The following ATP11B variants were observed in gnomAD, a reference collection of about 807,000 sequenced individuals.
The protein encoded by ATP11B is ATPase phospholipid transporting 11B (putative), also known as phospholipid-transporting ATPase IF.
Under a neutral mutation model 157.8 loss-of-function variants are expected in ATP11B, and 81 were observed. The ratio of observed to expected loss-of-function variants is 0.51; its 90% confidence interval spans 0.43 to 0.62. The LOEUF (loss-of-function observed/expected upper bound fraction) is 0.62. Among genes scored for constraint, ATP11B ranks in the 20% least tolerant of loss-of-function variants. The pLI is 0.00. For missense variants in ATP11B, 1,165 were observed against 1,402.2 expected, an observed-to-expected ratio of 0.83 and a Z score of 2.70; for synonymous variants, 451 against 469.4, an observed-to-expected ratio of 0.96 and a Z score of 0.51.
In ATP11B at chr3:182,918,534, G is replaced by T. The variant is rs780720983; in HGVS notation, c.*430G>T. ...AAATTATGCTGAAAGTTTGCCTTGA[G>T]AACTCTATTTTTTTATTAGAGTTAT... On this transcript the variant is annotated 3_prime_UTR_variant, in exon 30 of 30. Transcript: ENST00000323116. The T allele has an allele frequency of 3.0e-5, 12 of 395,144 alleles. No homozygotes were observed. The highest frequency in any genetic ancestry group is 4.9e-5 in the Non-Finnish European group (11 of 223,920). 24.5% of individuals were successfully genotyped at this position (395,144 alleles called of 1,614,324 possible). A position where few individuals can be genotyped will look rare whatever the true frequency, so the allele number is the denominator to read the frequency against.
chr3:182,860,762 T>G (rs932756719), intron 12 of ATP11B, among the ~76,000 whole-genome samples: 1 of 152,204 alleles, frequency 6.6e-6, no homozygotes, highest in African/African-American at 2.4e-5. Context: ...TTATTTCTGC[T>G]ATAATATTTT....
intron 1 of ATP11B, among the ~76,000 whole-genome samples, chr3:182,800,284 T>A (rs1715909314): frequency 6.6e-6 from 1 of 151,854 alleles, no homozygotes; most frequent in Admixed American, 6.6e-5. Context: ...TGCAGTGATG[T>A]GATCACAGCT....
intron 12 of ATP11B, among the ~76,000 whole-genome samples, chr3:182,864,994 C>T (rs1721120651): frequency 6.6e-6 from 1 of 152,130 alleles, no homozygotes; most frequent in South Asian, 2.1e-4. Flanking sequence ...ATTCGCACCT[C>T]TAACTTCTTG....
chr3:182,851,611 G>T (rs9881187), intron 10 of ATP11B, among the ~76,000 whole-genome samples: 5,297 of 152,240 alleles, frequency 0.035, 313 homozygotes, highest in African/African-American at 0.12. Flanking sequence ...ATAAGGTAAA[G>T]ATGCATATTC....
At chr3:182,890,537 A>G (rs964689352) in intron 25 of ATP11B, among the ~76,000 whole-genome samples, 2 of 152,136 alleles carry the variant, frequency 1.3e-5, no homozygotes, top group Admixed American at 6.5e-5. Flanking sequence ...TAATAAAGGA[A>G]ATGGGTTTCA....
Position 182,799,059 on chromosome 3 carries a change from A to G in ATP11B, c.27+5273A>G, listed in dbSNP as rs139677909. Among the ~76,000 whole-genome samples the G allele has an allele frequency of 7.2e-5, 11 of 152,360 alleles. No homozygotes were observed. The East Asian group carries it at 9.6e-4, about 13-fold the overall frequency. The stretch of plus-strand genomic sequence containing the variant: ...GAAAGTTTTTGATTCTAAGGACTTT[A>G]TGACTTTACCCAGGCTTTTTTTCTG... On this transcript the variant is annotated intron_variant, in intron 1 of 29. Coordinates refer to ENST00000323116, the MANE Select transcript of ATP11B (RefSeq NM_014616.3).
chr3:182,900,959 A>C (rs1407139608), intron 28 of ATP11B, among the ~76,000 whole-genome samples: 1 of 152,030 alleles, frequency 6.6e-6, no homozygotes, highest in Admixed American at 6.6e-5. Context: ...AGGCAGGTGG[A>C]TCACGAGGTC....
intron 4 of ATP11B, chr3:182,830,115 A>C (rs1164095458): frequency 3.7e-6 from 1 of 270,942 alleles, no homozygotes; most frequent in Non-Finnish European, 5.7e-6. Flanking sequence ...ATATGTTTAT[A>C]GAGAGCAGGG....
In ATP11B at chr3:182,919,487, GTTGTC is replaced by G. The variant is rs1227525581; in HGVS notation, c.*1386_*1390del. On this transcript the variant is annotated 3_prime_UTR_variant, in exon 30 of 30. Coordinates refer to ENST00000323116, the MANE Select transcript of ATP11B (RefSeq NM_014616.3). Reference sequence around the variant, plus strand: ...TGTTTTTGTTTTATTGAAAAGTAATGTTGTCTTAAGATTTAGAAGTGATTATTAGC... The same window carrying G: ...TGTTTTTGTTTTATTGAAAAGTAATGTTAAGATTTAGAAGTGATTATTAGC... The G allele has an allele frequency of 6.6e-6, 1 of 152,592 alleles. No homozygotes were observed. The highest frequency in any genetic ancestry group is 1.5e-5 in the Non-Finnish European group (1 of 68,020). The allele number at this position is 152,592 out of a possible 1,614,324, so 9.5% of individuals were successfully genotyped here. A position where few individuals can be genotyped will look rare whatever the true frequency, so the allele number is the denominator to read the frequency against.
At chr3:182,806,878 C>G (rs1416636916) in intron 1 of ATP11B, among the ~76,000 whole-genome samples, 5 of 152,138 alleles carry the variant, frequency 3.3e-5, no homozygotes, top group African/African-American at 4.8e-5. Context: ...GAACCTGACT[C>G]TAGAACCATG....
intron 27 of ATP11B, among the ~76,000 whole-genome samples, chr3:182,898,168 A>T (rs967851652): frequency 6.6e-6 from 1 of 152,180 alleles, no homozygotes; most frequent in African/African-American, 2.4e-5. Context: ...GAATATCTTT[A>T]TAACACTTAC....
intron 15 of ATP11B, 141 bp from the exon 16 acceptor site, chr3:182,868,937 G>A (rs1417022059): frequency 3.5e-6 from 2 of 570,124 alleles, no homozygotes; most frequent in East Asian, 3.0e-5. Context: ...TTAATGGCAT[G>A]TAACCTATCA....
At chr3:182,811,613 C>T (rs1420780076) in intron 1 of ATP11B, among the ~76,000 whole-genome samples, 1 of 152,110 alleles carries the variant, frequency 6.6e-6, no homozygotes, top group East Asian at 1.9e-4. Flanking sequence ...CTAGTACATA[C>T]AGTTTTCTAT....
chr3:182,870,801 A>C (rs557702339), intron 17 of ATP11B, among the ~76,000 whole-genome samples: 1 of 151,422 alleles, frequency 6.6e-6, no homozygotes, highest in Admixed American at 6.6e-5. Context: ...ATGAAACCCC[A>C]CCAGTAGTCC....
chr3:182,814,909 G>C (rs1716883237), intron 1 of ATP11B, among the ~76,000 whole-genome samples: 1 of 152,128 alleles, frequency 6.6e-6, no homozygotes, highest in Non-Finnish European at 1.5e-5. Context: ...GGTTTGGTGG[G>C]AGTAGTACAT....
intron 28 of ATP11B, among the ~76,000 whole-genome samples, chr3:182,907,127 G>A (rs111538364): frequency 1.1e-4 from 17 of 151,782 alleles, no homozygotes; most frequent in African/African-American, 4.1e-4. Context: ...AAGAATTGAT[G>A]AGAGCTTGAT....
intron 7 of ATP11B, among the ~76,000 whole-genome samples, chr3:182,840,709 T>A (rs1362522112): frequency 3.9e-5 from 6 of 152,130 alleles, no homozygotes; most frequent in Non-Finnish European, 7.4e-5. Context: ...CTTCACCTCC[T>A]TACTCACATC....
chr3:182,875,694 G>T (rs1398440079), intron 19 of ATP11B, among the ~76,000 whole-genome samples: 4 of 152,152 alleles, frequency 2.6e-5, no homozygotes, highest in Non-Finnish European at 5.9e-5. Context: ...GCCTGCCTTG[G>T]CCTCCCAAAG....
At chr3:182,842,828 C>T (rs751422639) in intron 8 of ATP11B, among the ~76,000 whole-genome samples, 2 of 152,202 alleles carry the variant, frequency 1.3e-5, no homozygotes, top group Non-Finnish European at 2.9e-5. Context: ...ACACAAATCC[C>T]TTACATCAAA....
Sources: allele counts gnomAD v4.1 joint callset (sites outside exome capture counted in the v4.1 genomes callset), GRCh38; gene constraint gnomAD v4.1.1; transcripts MANE v1.5; gene names NCBI Gene and HGNC (gene_info 2026-07-23, HGNC 2026-07-21).